MIER1: variants seen among roughly 807,000 people sequenced by gnomAD.
The protein encoded by MIER1 is mesoderm induction early response protein 1.
In MIER1, 40 loss-of-function variants were observed where a neutral mutation model predicts 75.7. The observed-to-expected ratio is 0.53, with a 90% CI of 0.41 to 0.69. MIER1 has a LOEUF of 0.69. Among genes scored for constraint, MIER1 ranks in the 30% least tolerant of loss-of-function variants. The probability of loss-of-function intolerance (pLI) is 0.00; values close to 1 mark genes in which losing one functional copy is unlikely to be tolerated. For missense variants in MIER1, 574 were observed against 680.2 expected (o/e 0.84, Z 1.74); for synonymous variants, 213 against 223.4 (o/e 0.95, Z 0.42).
At chr1:66,974,755 G>C (rs1664366576) in intron 11 of MIER1, among the ~76,000 whole-genome samples, 1 of 152,072 alleles carries the variant, frequency 6.6e-6, no homozygotes, top group Non-Finnish European at 1.5e-5. Context: ...ACAAAAAGAG[G>C]ACAGTAATTC....
chr1:66,972,535 T>G (rs1307920743), intron 10 of MIER1, among the ~76,000 whole-genome samples: 1 of 151,792 alleles, frequency 6.6e-6, no homozygotes, highest in Admixed American at 6.6e-5. Context: ...AAGAATTATC[T>G]CAGTGAAAGG....
intron 8 of MIER1, among the ~76,000 whole-genome samples, chr1:66,970,514 C>T (rs1478027108): frequency 1.3e-5 from 2 of 152,148 alleles, no homozygotes; most frequent in East Asian, 1.9e-4. Context: ...GGTCATCATA[C>T]ATGTAATAAG....
intron 3 of MIER1, among the ~76,000 whole-genome samples, chr1:66,945,182 TGCTCAA>T (rs1657206179): frequency 1.3e-5 from 2 of 151,706 alleles, no homozygotes; most frequent in Middle Eastern, 6.4e-3. Flanking sequence ...AAATCGTGGA[TGCTCAA>T]ATCCCTGACA....
intron 10 of MIER1, among the ~76,000 whole-genome samples, chr1:66,972,069 G>A (rs1558099217): frequency 6.6e-6 from 1 of 151,194 alleles, no homozygotes; most frequent in Non-Finnish European, 1.5e-5. Flanking sequence ...TTTACTTAAA[G>A]GTAAAAATTG....
intron 3 of MIER1, among the ~76,000 whole-genome samples, chr1:66,940,512 A>C (rs1301516338): frequency 6.6e-6 from 1 of 152,160 alleles, no homozygotes; most frequent in African/African-American, 2.4e-5. Flanking sequence ...TAATGTAAAT[A>C]AGGAATATTC....
At chr1:66,963,412 C>T (rs537447791) in intron 8 of MIER1, among the ~76,000 whole-genome samples, 1 of 152,100 alleles carries the variant, frequency 6.6e-6, no homozygotes, top group South Asian at 2.1e-4. Context: ...AAGTGACTTA[C>T]AATGTCTCAA....
Position 66,958,634 on chromosome 1 carries a change from T to C in MIER1, c.502-217T>C, listed in dbSNP as rs1482526320. Among the ~76,000 whole-genome samples the C allele has an allele frequency of 2.0e-5, 3 of 151,960 alleles. No homozygotes were observed. The East Asian group carries it at 5.8e-4, about 29-fold the overall frequency. On this transcript the variant is annotated intron_variant, in intron 5 of 13. Coordinates refer to ENST00000401041, the MANE Select transcript of MIER1 (RefSeq NM_001077700.3). Reference sequence around the variant, plus strand: ...TCAACTTCTGCTAAGGTTAACATCTTGGTACAGTGCTATTAACTAAACTGC... The same window carrying C: ...TCAACTTCTGCTAAGGTTAACATCTCGGTACAGTGCTATTAACTAAACTGC...
At chr1:66,972,059 T>C (rs1240972597) in intron 10 of MIER1, among the ~76,000 whole-genome samples, 4 of 150,852 alleles carry the variant, frequency 2.7e-5, no homozygotes, top group African/African-American at 9.7e-5. Context: ...AGATAATACC[T>C]TTACTTAAAG....
At chr1:66,945,082 G>A (rs1045929068) in intron 3 of MIER1, among the ~76,000 whole-genome samples, 1 of 152,008 alleles carries the variant, frequency 6.6e-6, no homozygotes, top group Non-Finnish European at 1.5e-5. Context: ...GTGCAGCTGT[G>A]TCTTCACTAG....
intron 8 of MIER1, among the ~76,000 whole-genome samples, chr1:66,970,512 TA>T (rs1663384310): frequency 6.6e-6 from 1 of 152,196 alleles, no homozygotes; most frequent in South Asian, 2.1e-4. Context: ...AAGGTCATCA[TA>T]CATGTAATAA....
rs758337482 is a variant in MIER1 at position 66,981,846 on chromosome 1, C to A, written c.1297C>A (p.Pro433Thr). The A allele has an allele frequency of 1.2e-6, 2 of 1,614,008 alleles. No homozygotes were observed. The highest frequency in any genetic ancestry group is 3.3e-5 in the Admixed American group (2 of 60,022). ...ATCTAGTCGAGCACCATCCCCTCCC[C>A]CAACTGCATCAAACAGTAGTAACAG... ...AASSRAPSPP[P>T]TASNSSNSQS... is the part of the protein sequence containing the mutation. Residue 433 changes from proline (P) to threonine (T), a missense_variant, in exon 13 of 14, where the codon CCA becomes ACA. Pro to Thr is a conservative substitution (Grantham distance 38). This residue lies in a region of MIER1 where 164 missense variants were observed against 154.3 expected (regional missense o/e 1.06). Transcript: ENST00000401041.
intron 2 of MIER1, among the ~76,000 whole-genome samples, chr1:66,937,101 A>C (rs1488709549): frequency 2.0e-5 from 3 of 152,050 alleles, no homozygotes; most frequent in African/African-American, 7.2e-5. Context: ...TAGAAGGTAC[A>C]AAAGGACACT....
intron 6 of MIER1, among the ~76,000 whole-genome samples, chr1:66,959,189 T>C (rs1660746620): frequency 6.6e-6 from 1 of 152,190 alleles, no homozygotes; most frequent in Admixed American, 6.5e-5. Flanking sequence ...CATGTACTAC[T>C]TGACTTTGGG....
rs1211544982 is a variant in MIER1, at chr1:66,959,737, GA to G, written c.698del (p.Lys233ArgfsTer45). ...AAGATTATATTCCATCAGAAGACTGGAAAAAGGTAGTTAGAACAATATTTTC... is the reference window on the plus strand; with the variant it reads ...AAGATTATATTCCATCAGAAGACTGGAAAAGGTAGTTAGAACAATATTTTC... The part of the protein sequence containing the change: ...DEDYIPSEDW[K>X]KEIMVGSMFQ... On this transcript the variant is annotated frameshift_variant, in exon 7 of 14. Transcript: ENST00000401041. LOFTEE classifies it high-confidence loss of function. 46 of 1,399,910 alleles carry G rather than the reference GA, an allele frequency of 3.3e-5. No individual in the cohort carries two copies. The highest frequency in any genetic ancestry group is 9.2e-5 in the South Asian group (6 of 65,182). 86.7% of individuals were successfully genotyped at this position (1,399,910 alleles called of 1,614,324 possible).
rs1226363362 is a variant in MIER1, at chr1:66,958,074, A to G, written c.355A>G (p.Ile119Val). The G allele has an allele frequency of 1.9e-6, 3 of 1,586,618 alleles. No homozygotes were observed. Among genetic ancestry groups the G allele is most frequent in the Non-Finnish European group, 2.6e-6 (3 of 1,165,996 alleles). ...ATTTATTTAGGAAGGCGACATGCCA[A>G]TTCATGAACTTCTCAGCCTTTATGG... ...EDLAREGDMPIHELLSLYGYG... is the reference protein window; with the variant it reads ...EDLAREGDMPVHELLSLYGYG... The change falls in exon 5 of 14, where the codon ATT (isoleucine) becomes GTT (valine). Residue 119 changes from isoleucine (I) to valine (V), a missense_variant. Around this residue, in one of 3 missense-constraint regions of MIER1, gnomAD observed 309 missense variants for 352.8 expected, o/e 0.88. Transcript: ENST00000401041.
intron 12 of MIER1, among the ~76,000 whole-genome samples, chr1:66,979,516 G>T (rs1200228208): frequency 6.6e-6 from 1 of 152,148 alleles, no homozygotes; most frequent in Non-Finnish European, 1.5e-5. Flanking sequence ...AGATTTCATT[G>T]TAGAATACTC....
rs1666921350 is a variant in MIER1, at chr1:66,987,424, A to G, written c.*2524A>G. ...CCCCCAACAAAGCACTATCATTTTC[A>G]TTTGGAATGGGTATTTTCTGTTTCA... On this transcript the variant is annotated 3_prime_UTR_variant, in exon 14 of 14. Coordinates refer to ENST00000401041, the MANE Select transcript of MIER1 (RefSeq NM_001077700.3). 6.6e-6 allele frequency: 1 copy of G among 152,356 alleles called. No homozygotes were observed. Among genetic ancestry groups the G allele is most frequent in the Non-Finnish European group, 1.5e-5 (1 of 67,758 alleles). The allele number at this position is 152,356 out of a possible 1,614,324, so 9.4% of individuals were successfully genotyped here.
At chr1:66,938,047 A>T (rs1298694369) in intron 2 of MIER1, among the ~76,000 whole-genome samples, 1 of 152,230 alleles carries the variant, frequency 6.6e-6, no homozygotes, top group Non-Finnish European at 1.5e-5. Flanking sequence ...TTACCTTTGA[A>T]CACTGGGTGT....
At position 66,988,229 on chromosome 1, in the gene MIER1, A is replaced by G. The variant is rs556763076; in HGVS notation, c.*3329A>G. ...ACATACAGAAGAACAGGAGTTTCCAAATTTTAACCTTTTATTCTAAAAATG... is the reference window on the plus strand; with the variant it reads ...ACATACAGAAGAACAGGAGTTTCCAGATTTTAACCTTTTATTCTAAAAATG... On this transcript the variant is annotated 3_prime_UTR_variant, in exon 14 of 14. Coordinates refer to ENST00000401041, the MANE Select transcript of MIER1 (RefSeq NM_001077700.3). 3 of 152,326 alleles carry G rather than the reference A, an allele frequency of 2.0e-5. No individual in the cohort carries two copies. The highest frequency in any genetic ancestry group is 2.9e-5 in the Non-Finnish European group (2 of 68,028). 9.4% of individuals were successfully genotyped at this position (152,326 alleles called of 1,614,324 possible). A position where few individuals can be genotyped will look rare whatever the true frequency, so the allele number is the denominator to read the frequency against.
Sources: allele counts gnomAD v4.1 joint callset (sites outside exome capture counted in the v4.1 genomes callset), GRCh38; gene constraint gnomAD v4.1.1; regional missense constraint gnomAD v4.1.1; transcripts MANE v1.5; gene names NCBI Gene and HGNC (gene_info 2026-07-23, HGNC 2026-07-21).